SUSD5: variants seen among roughly 807,000 people sequenced by gnomAD.
SUSD5 encodes the protein sushi domain-containing protein 5.
A neutral mutation model predicts 29.5 loss-of-function variants in SUSD5; 33 were observed. The observed-to-expected ratio is 1.12, with a 90% CI of 0.85 to 1.49. The LOEUF (loss-of-function observed/expected upper bound fraction) is 1.49. SUSD5 is among the 40% of genes most tolerant of loss of function. The pLI is 0.00. For synonymous variants in SUSD5, 308 were observed against 325.3 expected (o/e 0.95, Z 0.57); for missense variants, 776 against 800.6 (o/e 0.97, Z 0.37).
chr3:33,185,436 C>T (rs1055782430), intron 3 of SUSD5, among the ~76,000 whole-genome samples: 2 of 152,230 alleles, frequency 1.3e-5, no homozygotes, highest in African/African-American at 4.8e-5. Context: ...GTTTTTAACT[C>T]ACAAACTTGT....
chr3:33,194,347 A>G (rs1194861588), intron 3 of SUSD5, among the ~76,000 whole-genome samples: 1 of 152,118 alleles, frequency 6.6e-6, no homozygotes, highest in Non-Finnish European at 1.5e-5. Context: ...CTCTTTCTCT[A>G]TTGCAATTCC....
intron 3 of SUSD5, among the ~76,000 whole-genome samples, chr3:33,202,050 ATCTATCTATCTG>A (rs138188299): frequency 0.04 from 5,085 of 128,716 alleles, 143 homozygotes; most frequent in African/African-American, 0.084. Context: ...CTATCTATCT[ATCTATCTATCTG>A]TCTATCTATC....
chr3:33,201,676 A>G (rs1300680214), intron 3 of SUSD5, among the ~76,000 whole-genome samples: 1 of 152,012 alleles, frequency 6.6e-6, no homozygotes, highest in African/African-American at 2.4e-5. Flanking sequence ...TGTGATGGGG[A>G]TTATTTGGGC....
At chr3:33,185,589 G>A (rs544997783) in intron 3 of SUSD5, among the ~76,000 whole-genome samples, 5 of 152,320 alleles carry the variant, frequency 3.3e-5, no homozygotes, top group Admixed American at 2.0e-4. Context: ...AGTTTGCCCT[G>A]TGACCTCACT....
chr3:33,213,684 G>T (rs12715215), intron 2 of SUSD5, among the ~76,000 whole-genome samples: 49,356 of 151,952 alleles, frequency 0.32, 8,984 homozygotes, highest in African/African-American at 0.5. Flanking sequence ...TGAGGCAGGA[G>T]AATTGCTTGA....
rs368207039 is a variant in SUSD5 at position 33,153,632 on chromosome 3, G to C, written c.1000C>G (p.Pro334Ala). ...HSGVKLVPGEPETKVIYGNTD... is the reference protein window; with the variant it reads ...HSGVKLVPGEAETKVIYGNTD... ...TTGCCGTAGATCACCTTGGTTTCAGGTTCACCTGGGACCAATTTTACACCA... is the reference window on the plus strand; with the variant it reads ...TTGCCGTAGATCACCTTGGTTTCAGCTTCACCTGGGACCAATTTTACACCA... The change falls in exon 5 of 5, where the codon CCT becomes GCT. Residue 334 changes from proline (P) to alanine (A), a missense_variant. By Grantham distance (27) the Pro-to-Ala change is conservative. Transcript: ENST00000309558. 14 of 1,613,874 alleles carry C rather than the reference G, an allele frequency of 8.7e-6. No individual in the cohort carries two copies. The highest frequency in any genetic ancestry group is 5.9e-6 in the Non-Finnish European group (7 of 1,179,908).
At chr3:33,217,465 T>TA (rs2032444318) in intron 1 of SUSD5, among the ~76,000 whole-genome samples, 2 of 152,348 alleles carry the variant, frequency 1.3e-5, no homozygotes, top group African/African-American at 4.8e-5. Context: ...ACAAATTTTA[T>TA]GTGAAATACA....
At chr3:33,208,409 T>C (rs1305990070) in intron 2 of SUSD5, among the ~76,000 whole-genome samples, 1 of 152,150 alleles carries the variant, frequency 6.6e-6, no homozygotes, top group African/African-American at 2.4e-5. Context: ...ATAATTTTTT[T>C]CCCATAATTT....
chr3:33,202,060 C>CTATCTATCTA, intron 3 of SUSD5, among the ~76,000 whole-genome samples: 1 of 107,672 alleles, frequency 9.3e-6, no homozygotes. Context: ...ATCTATCTAT[C>CTATCTATCTA]TGTCTATCTA....
rs544187843 is a variant in SUSD5 at position 33,207,837 on chromosome 3, G to T, written c.380C>A (p.Thr127Lys). ...ATCCTTAATACAAAGGGCACTGTAT[G>T]TGCCACCAGGAACTGGGTTGCTCTC... ...RIESNPVPGG[T>K]YSALCIKDEE... Residue 127 changes from threonine (T) to lysine (K), a missense_variant, in exon 3 of 5, where the codon ACA becomes AAA. Transcript: ENST00000309558. The T allele has an allele frequency of 2.4e-5, 38 of 1,613,796 alleles. No homozygotes were observed. The South Asian group carries it at 4.2e-4, about 18-fold the overall frequency.
intron 4 of SUSD5, among the ~76,000 whole-genome samples, chr3:33,154,926 A>G (rs1187362589): frequency 6.6e-6 from 1 of 152,250 alleles, no homozygotes; most frequent in African/African-American, 2.4e-5. Context: ...GTTTATGGAA[A>G]TGCAATGGAT....
intron 3 of SUSD5, among the ~76,000 whole-genome samples, chr3:33,205,419 G>C (rs2032200296): frequency 6.6e-6 from 1 of 152,122 alleles, no homozygotes; most frequent in African/African-American, 2.4e-5. Context: ...CTTGTGATTA[G>C]ATTCAGTTAC....
intron 3 of SUSD5, among the ~76,000 whole-genome samples, chr3:33,180,184 G>A (rs2031638678): frequency 6.6e-6 from 1 of 152,142 alleles, no homozygotes. Flanking sequence ...AGATATTCCA[G>A]AGAAGGCATT....
intron 4 of SUSD5, among the ~76,000 whole-genome samples, chr3:33,170,447 A>G (rs561918069): frequency 2.0e-5 from 3 of 152,328 alleles, no homozygotes; most frequent in Admixed American, 1.3e-4. Context: ...TGGCAGTTAA[A>G]TAAGTCCTCG....
chr3:33,169,419 C>T (rs2031374701), intron 4 of SUSD5, among the ~76,000 whole-genome samples: 4 of 151,978 alleles, frequency 2.6e-5, no homozygotes, highest in African/African-American at 2.4e-5. Flanking sequence ...CGGGGTTTCA[C>T]CATGTTGACC....
chr3:33,186,899 A>G (rs1575537518), intron 3 of SUSD5, among the ~76,000 whole-genome samples: 1 of 152,324 alleles, frequency 6.6e-6, no homozygotes, highest in Middle Eastern at 3.4e-3. Flanking sequence ...TATTTCACCT[A>G]TATGGCAATT....
chr3:33,212,704 T>C (rs2032344444), intron 2 of SUSD5, among the ~76,000 whole-genome samples: 1 of 152,222 alleles, frequency 6.6e-6, no homozygotes, highest in African/African-American at 2.4e-5. Context: ...TGGTCTGGCA[T>C]TCCTCACAGC....
rs2031511241 is a variant in SUSD5 at position 33,174,863 on chromosome 3, TG to T, written c.598+22del. Reference sequence around the variant, plus strand: ...CCAGCACTGCGTGGGCACGCGAAGGTGGCCCATCCCTGGGCTGCTTACCTTT... The same window carrying T: ...CCAGCACTGCGTGGGCACGCGAAGGTGCCCATCCCTGGGCTGCTTACCTTT... On this transcript the variant is annotated intron_variant, in intron 4 of 4. Coordinates refer to ENST00000309558, the MANE Select transcript of SUSD5 (RefSeq NM_015551.2). 5 of 1,610,924 alleles carry T rather than the reference TG, an allele frequency of 3.1e-6. No homozygotes were observed. In the African/African-American group the frequency reaches 4.0e-5, roughly 13 times the overall value.
intron 3 of SUSD5, among the ~76,000 whole-genome samples, chr3:33,203,660 G>A (rs925532014): frequency 6.6e-6 from 1 of 152,192 alleles, no homozygotes; most frequent in African/African-American, 2.4e-5. Flanking sequence ...TCACGCATGG[G>A]CATGAGCTCA....
Sources: allele counts gnomAD v4.1 joint callset (sites outside exome capture counted in the v4.1 genomes callset), GRCh38; gene constraint gnomAD v4.1.1; transcripts MANE v1.5; gene names NCBI Gene and HGNC (gene_info 2026-07-23, HGNC 2026-07-21).